Variants in NLGN1 observed in about 807,000 individuals in gnomAD.
The protein encoded by NLGN1 is neuroligin-1.
In NLGN1, 12 loss-of-function variants were observed where a neutral mutation model predicts 65.5. The observed-to-expected ratio is 0.18, with a 90% CI of 0.12 to 0.30. The LOEUF is 0.30. NLGN1 is among the 10% of genes least tolerant of loss of function. NLGN1 has a pLI of 1.00. For synonymous variants in NLGN1, 350 were observed against 359.5 expected, an observed-to-expected ratio of 0.97 and a Z score of 0.30; for missense variants, 750 against 1,007.1, an observed-to-expected ratio of 0.74 and a Z score of 3.46.
intron 3 of NLGN1, among the ~76,000 whole-genome samples, chr3:173,653,444 A>T (rs1203786823): frequency 6.6e-6 from 1 of 152,182 alleles, no homozygotes. Flanking sequence ...GGTCTTCATC[A>T]TGAAGGAATG....
intron 4 of NLGN1, among the ~76,000 whole-genome samples, chr3:174,087,753 T>C (rs1015784913): frequency 6.6e-6 from 1 of 152,234 alleles, no homozygotes; most frequent in Non-Finnish European, 1.5e-5. Flanking sequence ...CACTTCATAA[T>C]TGATCGTAAG....
At chr3:174,183,933 G>A (rs956186249) in intron 4 of NLGN1, among the ~76,000 whole-genome samples, 6 of 152,042 alleles carry the variant, frequency 3.9e-5, no homozygotes, top group African/African-American at 1.2e-4. Flanking sequence ...CTGTGCTTAC[G>A]GACAATGTAT....
chr3:173,598,255 G>T (rs1037387553), intron 2 of NLGN1, among the ~76,000 whole-genome samples: 1 of 152,142 alleles, frequency 6.6e-6, no homozygotes, highest in African/African-American at 2.4e-5. Context: ...TTAACCAACT[G>T]CACTACAGAC....
At chr3:173,832,408 T>TTA (rs1722778273) in intron 4 of NLGN1, among the ~76,000 whole-genome samples, 1 of 152,256 alleles carries the variant, frequency 6.6e-6, no homozygotes, top group Admixed American at 6.5e-5. Context: ...TTTTGGATAA[T>TTA]ACAGGATTGA....
chr3:174,102,027 C>G (rs1712631929), intron 4 of NLGN1, among the ~76,000 whole-genome samples: 1 of 152,038 alleles, frequency 6.6e-6, no homozygotes, highest in Admixed American at 6.6e-5. Flanking sequence ...ACATTTTCAT[C>G]AAATAATAAA....
chr3:174,080,648 A>C (rs1741971310), intron 4 of NLGN1, among the ~76,000 whole-genome samples: 1 of 151,946 alleles, frequency 6.6e-6, no homozygotes, highest in Admixed American at 6.6e-5. Flanking sequence ...TCGTTCCGAG[A>C]AGAAGATCTA....
rs577463218 is a variant in NLGN1, at chr3:173,811,197, A to G, written c.646+3365A>G. ...TGATATATTGTTACATAGTCCTTAT[A>G]TATGTTTAAAATTATTGTTAGTAGG... On this transcript the variant is annotated intron_variant, in intron 4 of 6. Coordinates refer to ENST00000457714, the Ensembl canonical transcript of NLGN1. Among the ~76,000 whole-genome samples the G allele has an allele frequency of 4.6e-5, 7 of 152,342 alleles. No homozygotes were observed. In the South Asian group the frequency reaches 1.4e-3, roughly 32 times the overall value.
At chr3:174,074,071 A>G (rs1740430552) in intron 4 of NLGN1, among the ~76,000 whole-genome samples, 1 of 152,142 alleles carries the variant, frequency 6.6e-6, no homozygotes, top group Non-Finnish European at 1.5e-5. Context: ...AGTGCACTGA[A>G]AAGCTTGGGA....
At chr3:174,033,493 A>G (rs910055881) in intron 4 of NLGN1, among the ~76,000 whole-genome samples, 2 of 152,220 alleles carry the variant, frequency 1.3e-5, no homozygotes, top group African/African-American at 4.8e-5. Flanking sequence ...GGTGTAACAC[A>G]GATGCTGGAA....
intron 2 of NLGN1, among the ~76,000 whole-genome samples, chr3:173,467,820 T>G (rs970055445): frequency 1.3e-5 from 2 of 152,154 alleles, no homozygotes; most frequent in Non-Finnish European, 2.9e-5. Flanking sequence ...AGATCAAGGC[T>G]TCTTCCATCT....
Position 173,941,354 on chromosome 3 carries a change from T to A in NLGN1, c.646+133522T>A, listed in dbSNP as rs1746059524. 2.0e-5 allele frequency among the ~76,000 whole-genome samples: 3 copies of A among 152,186 alleles called. No individual in the cohort carries two copies. In the South Asian group the frequency reaches 6.2e-4, roughly 32 times the overall value. The stretch of plus-strand genomic sequence containing the variant: ...TTAAACCTTGCTTAGCAGAGTCTTA[T>A]CAAACTGATGGCACCCTTTGTCTTA... On this transcript the variant is annotated intron_variant, in intron 4 of 6. Coordinates refer to ENST00000457714, the Ensembl canonical transcript of NLGN1.
intron 4 of NLGN1, among the ~76,000 whole-genome samples, chr3:174,189,525 T>TTA (rs1731996849): frequency 6.6e-6 from 1 of 152,128 alleles, no homozygotes; most frequent in East Asian, 1.9e-4. Context: ...AAATCTTAAG[T>TTA]TATATAATGT....
intron 2 of NLGN1, among the ~76,000 whole-genome samples, chr3:173,510,395 T>C (rs1732742679): frequency 6.6e-6 from 1 of 152,220 alleles, no homozygotes; most frequent in African/African-American, 2.4e-5. Context: ...TCCCAAATTG[T>C]GTAGTATCTT....
intron 3 of NLGN1, among the ~76,000 whole-genome samples, chr3:173,610,165 A>G (rs1207912749): frequency 6.6e-6 from 1 of 151,902 alleles, no homozygotes; most frequent in East Asian, 1.9e-4. Flanking sequence ...TTCTTCATAT[A>G]TTTTAAAGAT....
chr3:173,596,195 T>A (rs994905339), intron 2 of NLGN1, among the ~76,000 whole-genome samples: 3 of 152,220 alleles, frequency 2.0e-5, no homozygotes, highest in African/African-American at 7.2e-5. Context: ...CTCTTTTTTT[T>A]AATGTTATTG....
chr3:174,067,996 A>G (rs1045372389), intron 4 of NLGN1, among the ~76,000 whole-genome samples: 1 of 152,182 alleles, frequency 6.6e-6, no homozygotes, highest in African/African-American at 2.4e-5. Flanking sequence ...ACTGGGAAGT[A>G]GGTGAGGCTG....
At chr3:173,837,230 A>T (rs1337624344) in intron 4 of NLGN1, among the ~76,000 whole-genome samples, 1 of 152,160 alleles carries the variant, frequency 6.6e-6, no homozygotes, top group East Asian at 1.9e-4. Context: ...GCTGGCTCAG[A>T]CTACAGCTAC....
chr3:173,750,072 C>T (rs951045037), intron 3 of NLGN1, among the ~76,000 whole-genome samples: 1 of 152,034 alleles, frequency 6.6e-6, no homozygotes, highest in Non-Finnish European at 1.5e-5. Flanking sequence ...CAGACCTAAA[C>T]GGAGTTAATT....
intron 4 of NLGN1, among the ~76,000 whole-genome samples, chr3:174,133,603 A>G (rs1416807244): frequency 3.3e-5 from 5 of 152,148 alleles, no homozygotes; most frequent in African/African-American, 1.2e-4. Context: ...AATCCGAGTT[A>G]CGCAAATAGT....
Sources: allele counts gnomAD v4.1 joint callset (sites outside exome capture counted in the v4.1 genomes callset), GRCh38; gene constraint gnomAD v4.1.1; transcripts MANE v1.5; gene names NCBI Gene and HGNC (gene_info 2026-07-23, HGNC 2026-07-21).